ACP6: variants seen among roughly 807,000 people sequenced by gnomAD.
The protein encoded by ACP6 is acid phosphatase 6, lysophosphatidic.
A neutral mutation model predicts 48.1 loss-of-function variants in ACP6; 48 were observed. That is an observed-to-expected ratio of 1.00 (90% CI 0.79 to 1.27). The LOEUF is 1.27. ACP6 is among the 50% of genes most tolerant of loss of function. ACP6 has a pLI of 0.00. For synonymous variants in ACP6, 172 were observed against 204.2 expected (o/e 0.84, Z 1.34); for missense variants, 485 against 529.1 (o/e 0.92, Z 0.82).
At chr1:147,647,974 G>GA (rs1476565765) in intron 9 of ACP6, 3 of 517,514 alleles carry the variant, frequency 5.8e-6, no homozygotes, top group African/African-American at 5.7e-5. Context: ...GCGACATCCT[G>GA]ACAGGGACGC....
At chr1:147,659,371 C>A (rs781814372) in intron 3 of ACP6, 25 bp downstream of exon 3, 12 of 1,610,668 alleles carry the variant, frequency 7.5e-6, no homozygotes, top group Admixed American at 1.7e-5. Flanking sequence ...AAATTAAGTG[C>A]AACATCCCCT....
At chr1:147,650,047 C>G in intron 8 of ACP6, 96 bp downstream of exon 8, 1 of 1,013,426 alleles carries the variant, frequency 9.9e-7, no homozygotes, top group Non-Finnish European at 1.5e-6. Flanking sequence ...TCACTGACAG[C>G]CTGGTTCTTG....
downstream of ACP6, among the ~76,000 whole-genome samples, chr1:147,639,680 G>T (rs1553208427): frequency 6.6e-6 from 1 of 152,162 alleles, no homozygotes; most frequent in African/African-American, 2.4e-5. Flanking sequence ...ACCCAGAGTT[G>T]AAAGCCTTGC....
Position 147,647,448 on chromosome 1 carries a change from A to C in ACP6, c.1262T>G (p.Val421Gly). Residue 421 changes from valine (V) to glycine (G), a missense_variant, in exon 10 of 10, where the codon GTG becomes GGG. By Grantham distance (109) the Val-to-Gly change is moderately radical. Transcript: ENST00000583509. The part of the protein sequence containing the change: ...KYHALCSQTQ[V>G]MEVGNEE ...TTACTCTTCATTTCCAACTTCCATCACCTGAGTTTGAGAGCAGAGTGCGTG... is the reference window on the plus strand; with the variant it reads ...TTACTCTTCATTTCCAACTTCCATCCCCTGAGTTTGAGAGCAGAGTGCGTG... 2 of 1,614,034 alleles carry C rather than the reference A, an allele frequency of 1.2e-6. No individual in the cohort carries two copies. The highest frequency in any genetic ancestry group is 1.7e-6 in the Non-Finnish European group (2 of 1,180,014).
chr1:147,656,911 A>G (rs951763786), intron 4 of ACP6, among the ~76,000 whole-genome samples: 1 of 152,188 alleles, frequency 6.6e-6, no homozygotes, highest in Non-Finnish European at 1.5e-5. Context: ...AATACACAGC[A>G]TTTACATTGT....
intron 8 of ACP6, among the ~76,000 whole-genome samples, chr1:147,648,661 C>A (rs1031434478): frequency 6.6e-6 from 1 of 152,154 alleles, no homozygotes; most frequent in Non-Finnish European, 1.5e-5. Flanking sequence ...CTACTCACTC[C>A]TCCCTGGTGA....
At chr1:147,659,564 C>T in intron 2 of ACP6, 38 bp from the exon 3 acceptor site, 1 of 1,613,770 alleles carries the variant, frequency 6.2e-7, no homozygotes, top group Non-Finnish European at 8.5e-7. Flanking sequence ...AATGAAAACA[C>T]CTGACAGCCT....
chr1:147,634,697 G>A (rs1553207806), intron 5 of ACP6, among the ~76,000 whole-genome samples: 1 of 152,116 alleles, frequency 6.6e-6, no homozygotes, highest in African/African-American at 2.4e-5. Flanking sequence ...TCTACCTATT[G>A]AGTAATTGGC....
At chr1:147,665,432 G>A (rs1660748759) in intron 1 of ACP6, among the ~76,000 whole-genome samples, 1 of 152,204 alleles carries the variant, frequency 6.6e-6, no homozygotes, top group Non-Finnish European at 1.5e-5. Flanking sequence ...GAACAAAAAA[G>A]AGACTACTTT....
At chr1:147,632,349 G>C (rs1659192388) in intron 5 of ACP6, among the ~76,000 whole-genome samples, 1 of 152,150 alleles carries the variant, frequency 6.6e-6, no homozygotes, top group Non-Finnish European at 1.5e-5. Flanking sequence ...ATCTGGCATA[G>C]TGTCTGCACT....
chr1:147,655,873 T>C (rs923967350), intron 4 of ACP6, among the ~76,000 whole-genome samples: 3 of 152,066 alleles, frequency 2.0e-5, no homozygotes, highest in Admixed American at 6.5e-5. Flanking sequence ...AGTACCATTG[T>C]CCCCTCCCGT....
At chr1:147,647,613 T>C (rs782605150) in intron 9 of ACP6, 47 bp from the exon 10 acceptor site, 3 of 1,587,998 alleles carry the variant, frequency 1.9e-6, no homozygotes, top group Middle Eastern at 3.5e-4. Flanking sequence ...AACCTGTCCT[T>C]CTGCTATTTC....
rs1440623323 is a variant in ACP6, at chr1:147,643,244, A to G, written c.*4179T>C. The G allele has an allele frequency of 2.0e-5, 3 of 152,244 alleles. No individual in the cohort carries two copies. Among genetic ancestry groups the G allele is most frequent in the Admixed American group, 6.5e-5 (1 of 15,290 alleles). The allele number at this position is 152,244 out of a possible 1,614,324, so 9.4% of individuals were successfully genotyped here. A position where few individuals can be genotyped will look rare whatever the true frequency, so the allele number is the denominator to read the frequency against. ...TAGAGAACCAACTGTTTTGCTCATC[A>G]GTGTTACAAGGCAACGATGTTGAAC... On this transcript the variant is annotated 3_prime_UTR_variant, in exon 10 of 10. Transcript: ENST00000583509.
At position 147,664,636 on chromosome 1, in the gene ACP6, A is replaced by T. The variant is rs587657444; in HGVS notation, c.220-4861T>A. On this transcript the variant is annotated intron_variant, in intron 1 of 9. Transcript: ENST00000583509. ...TCTGTTTCCCAGCAAAGGGCCTCACACACAGTAGGTACAATTAATAGCTCC... is the reference window on the plus strand; with the variant it reads ...TCTGTTTCCCAGCAAAGGGCCTCACTCACAGTAGGTACAATTAATAGCTCC... 5.9e-5 allele frequency among the ~76,000 whole-genome samples: 9 copies of T among 152,322 alleles called. No individual in the cohort carries two copies. The South Asian group carries it at 1.7e-3, about 28-fold the overall frequency.
chr1:147,667,246 C>T (rs1041726151), intron 1 of ACP6, among the ~76,000 whole-genome samples: 3 of 152,048 alleles, frequency 2.0e-5, no homozygotes. Flanking sequence ...GAGATGGAGT[C>T]TTGCTCTATC....
At chr1:147,667,029 A>G (rs1660832535) in intron 1 of ACP6, among the ~76,000 whole-genome samples, 1 of 152,058 alleles carries the variant, frequency 6.6e-6, no homozygotes, top group Non-Finnish European at 1.5e-5. Flanking sequence ...CACCCAGGGG[A>G]GTTGAGGGAA....
intron 6 of ACP6, 102 bp downstream of exon 6, chr1:147,654,092 C>T: frequency 6.5e-7 from 1 of 1,533,776 alleles, no homozygotes; most frequent in Non-Finnish European, 8.7e-7. Flanking sequence ...TCACAGTTGC[C>T]TTCAAACCAG....
rs1553211194 is a variant in ACP6, at chr1:147,654,313, T to C, written c.661A>G (p.Thr221Ala). 5.0e-6 allele frequency: 8 copies of C among 1,614,196 alleles called. No individual in the cohort carries two copies. The highest frequency in any genetic ancestry group is 2.7e-5 in the African/African-American group (2 of 75,052). Residue 221 changes from threonine to alanine, a missense_variant, in exon 6 of 10, where the codon ACT (threonine) becomes GCT (alanine). By Grantham distance (58) the Thr-to-Ala change is moderately conservative. Transcript: ENST00000583509. ...GAGATTCCTGGCTGTAAAGAGGCAG[T>C]CTGCCTCCGGCCTCTGACAAAAAAT... The part of the protein sequence containing the change: ...LRQRTRGRRQ[T>A]ASLQPGISED...
chr1:147,630,838 T>C (rs1350805581), exon 6 of ACP6: 3 of 152,230 alleles, frequency 2.0e-5, no homozygotes, highest in Middle Eastern at 3.2e-3. Context: ...TTCTCTAGGA[T>C]AGCTGTGAGT....
Sources: allele counts gnomAD v4.1 joint callset (sites outside exome capture counted in the v4.1 genomes callset), GRCh38; gene constraint gnomAD v4.1.1; transcripts MANE v1.5; gene names NCBI Gene and HGNC (gene_info 2026-07-23, HGNC 2026-07-21).